TRPM1: variants seen among roughly 807,000 people sequenced by gnomAD.
TRPM1 encodes TRPM1-203 APA Isoform, Intron 10.
Under a neutral mutation model 149.4 loss-of-function variants are expected in TRPM1, and 113 were observed. That is an observed-to-expected ratio of 0.76 (90% CI 0.65 to 0.88). The LOEUF is 0.88. TRPM1 is among the 40% of genes least tolerant of loss of function. The pLI is 0.00. For missense variants in TRPM1, 1,976 were observed against 2,038.7 expected, an observed-to-expected ratio of 0.97 and a Z score of 0.59; for synonymous variants, 741 against 759.5, an observed-to-expected ratio of 0.98 and a Z score of 0.40.
intron 27 of TRPM1, among the ~76,000 whole-genome samples, chr15:31,011,036 T>G (rs1021521352): frequency 4.6e-5 from 7 of 152,228 alleles, no homozygotes; most frequent in African/African-American, 1.7e-4. Context: ...CATGTCCTTC[T>G]TTGTCTCTAG....
chr15:31,101,650 A>C lies in TRPM1; in HGVS notation c.-84+7T>G. On this transcript the variant is annotated splice_region_variant and intron_variant, in intron 1 of 27. Coordinates refer to ENST00000256552, the MANE Select transcript of TRPM1 (RefSeq NM_001252024.2). ...CTTCACCTGTGCTTACCCGCATCTG[A>C]GCTTACCTGCCACAGCAGTGGAATG... The C allele has an allele frequency of 1.0e-6, 1 of 985,674 alleles. No homozygotes were observed. The allele number at this position is 985,674 out of a possible 1,614,324, so 61.1% of individuals were successfully genotyped here.
chr15:31,140,366 G>A lies in TRPM1; in HGVS notation c.54+20540C>T, dbSNP rs527886450. Among the ~76,000 whole-genome samples, 3 of 150,458 alleles carry A rather than the reference G, an allele frequency of 2.0e-5. No individual in the cohort carries two copies. In the East Asian group the frequency reaches 5.8e-4, roughly 29 times the overall value. On this transcript the variant is annotated intron_variant, in intron 1 of 26. Coordinates refer to the TRPM1 transcript ENST00000542188. ...TGCACTGCAGCCTGGGCGACAGAGA[G>A]AGAATCCGTCTAAAAAAAAAAAATT...
At chr15:31,008,886 T>C (rs2032086711) in intron 27 of TRPM1, among the ~76,000 whole-genome samples, 1 of 152,212 alleles carries the variant, frequency 6.6e-6, no homozygotes, top group Non-Finnish European at 1.5e-5. Context: ...TCCACATATA[T>C]TGAAAATGCC....
intron 1 of TRPM1, among the ~76,000 whole-genome samples, chr15:31,143,815 A>G (rs542517783): frequency 6.6e-6 from 1 of 152,276 alleles, no homozygotes; most frequent in African/African-American, 2.4e-5. Context: ...CAAAAATTAG[A>G]ACGTTTGCTT....
intron 1 of TRPM1, among the ~76,000 whole-genome samples, chr15:31,128,316 C>T (rs536819140): frequency 2.0e-5 from 3 of 152,306 alleles, no homozygotes; most frequent in South Asian, 2.1e-4. Flanking sequence ...CACCGGCTGC[C>T]GTGGAGCTCT....
Position 31,068,050 on chromosome 15 carries a change from G to T in TRPM1, c.322C>A (p.His108Asn). ...SYDTKPDSLLHLMVKDWQLEL... is the reference protein window; with the variant it reads ...SYDTKPDSLLNLMVKDWQLEL... ...AGCTGCCAATCTTTCACCATGAGATGGAGCAGTGAGTCTGGCTTGGTGTCA... is the reference window on the plus strand; with the variant it reads ...AGCTGCCAATCTTTCACCATGAGATTGAGCAGTGAGTCTGGCTTGGTGTCA... The change falls in exon 5 of 28, where the codon CAT (histidine) becomes AAT (asparagine). Residue 108 changes from histidine (H) to asparagine (N), a missense_variant. Physicochemically the swap from His to Asn is moderately conservative, Grantham distance 68. This residue lies in a region of TRPM1 where 1,332 missense variants were observed against 1,347.1 expected (regional missense o/e 0.99). Transcript: ENST00000256552. 1 of 1,614,212 alleles carries T rather than the reference G, an allele frequency of 6.2e-7. No individual in the cohort carries two copies. Among genetic ancestry groups the T allele is most frequent in the African/African-American group, 1.3e-5 (1 of 75,064 alleles).
chr15:31,096,435 C>T (rs2035387807), intron 1 of TRPM1, among the ~76,000 whole-genome samples: 2 of 152,240 alleles, frequency 1.3e-5, no homozygotes, highest in South Asian at 4.1e-4. Context: ...CTCCTTCTCC[C>T]ATCACCGGGT....
chr15:31,143,098 T>C (rs2036180220), intron 1 of TRPM1, among the ~76,000 whole-genome samples: 1 of 152,240 alleles, frequency 6.6e-6, no homozygotes, highest in Non-Finnish European at 1.5e-5. Flanking sequence ...TTCTGAAAGC[T>C]TTTTGCAGGC....
chr15:31,127,268 T>C (rs1297820944), intron 1 of TRPM1, among the ~76,000 whole-genome samples: 1 of 152,208 alleles, frequency 6.6e-6, no homozygotes, highest in Non-Finnish European at 1.5e-5. Context: ...TCTCATTCTC[T>C]GCTACTTGGG....
intron 21 of TRPM1, among the ~76,000 whole-genome samples, chr15:31,033,992 T>G (rs1461539912): frequency 6.6e-6 from 1 of 152,196 alleles, no homozygotes; most frequent in African/African-American, 2.4e-5. Context: ...CTGGACTAGG[T>G]TAATAATGTT....
At position 31,038,142 on chromosome 15, in the gene TRPM1, G is replaced by A. The variant is rs367984298; in HGVS notation, c.2341C>T (p.Pro781Ser). Residue 781 changes from proline (P) to serine (S), a missense_variant, in exon 19 of 28, where the codon CCC (proline) becomes TCC (serine). Pro to Ser is a moderately conservative substitution (Grantham distance 74, BLOSUM62 -1). This residue lies in a region of TRPM1 where 1,332 missense variants were observed against 1,347.1 expected (regional missense o/e 0.99). Transcript: ENST00000256552. Reference sequence around the variant, plus strand: ...CGAAATTCCAAAAACAAGATGGTGGGGGGTAGAAGAATCCCCATGATAACC... The same window carrying A: ...CGAAATTCCAAAAACAAGATGGTGGAGGGTAGAAGAATCCCCATGATAACC... ...LKVIMGILLPPTILFLEFRTY... is the reference protein window; with the variant it reads ...LKVIMGILLPSTILFLEFRTY... 6 of 1,613,902 alleles carry A rather than the reference G, an allele frequency of 3.7e-6. No homozygotes were observed. Among genetic ancestry groups the A allele is most frequent in the Non-Finnish European group, 5.1e-6 (6 of 1,179,986 alleles).
At chr15:31,106,964 A>G (rs1178882711) in intron 1 of TRPM1, among the ~76,000 whole-genome samples, 3 of 152,154 alleles carry the variant, frequency 2.0e-5, no homozygotes, top group Admixed American at 6.5e-5. Flanking sequence ...AATTTTGCCA[A>G]TCTTATTAAG....
chr15:31,077,488 A>G lies in TRPM1; in HGVS notation c.4-504T>C, dbSNP rs568923818. On this transcript the variant is annotated intron_variant, in intron 2 of 27. Coordinates refer to ENST00000256552, the MANE Select transcript of TRPM1 (RefSeq NM_001252024.2). ...CTCACACAGAGGCTGGGCACTGGGA[A>G]GTGAACCGGCCTGCATCTGAAGGGC... Among the ~76,000 whole-genome samples the G allele has an allele frequency of 2.6e-5, 4 of 152,294 alleles. No homozygotes were observed. The South Asian group carries it at 8.3e-4, about 32-fold the overall frequency.
In TRPM1 at chr15:31,035,560, C is replaced by CT; in HGVS notation, c.2685dup (p.Glu896ArgfsTer154). The CT allele has an allele frequency of 6.2e-7, 1 of 1,614,188 alleles. No individual in the cohort carries two copies. ...GGAGTAGCCACCTCTCGTATCTTCT[C>CT]TAACGCCAGGCTCACGATGTAGGAG... On this transcript the variant is annotated frameshift_variant, in exon 21 of 28. Coordinates refer to ENST00000256552, the MANE Select transcript of TRPM1 (RefSeq NM_001252024.2). LOFTEE classifies it high-confidence loss of function.
At chr15:31,110,027 T>G (rs2035663464) in intron 1 of TRPM1, among the ~76,000 whole-genome samples, 1 of 152,186 alleles carries the variant, frequency 6.6e-6, no homozygotes, top group Non-Finnish European at 1.5e-5. Flanking sequence ...TTTCAAAGTC[T>G]TATTTGAAGT....
intron 14 of TRPM1, 92 bp downstream of exon 14, chr15:31,047,797 T>A (rs2033822866): frequency 2.9e-6 from 3 of 1,030,282 alleles, no homozygotes; most frequent in Non-Finnish European, 4.6e-6. Flanking sequence ...GTGCCTGGAA[T>A]AATAATACAT....
At position 31,002,327 on chromosome 15, in the gene TRPM1, T is replaced by C; in HGVS notation, c.4373A>G (p.Lys1458Arg). The C allele has an allele frequency of 6.2e-7, 1 of 1,614,260 alleles. No individual in the cohort carries two copies. The highest frequency in any genetic ancestry group is 1.3e-5 in the African/African-American group (1 of 75,066). ...CCGGGAATAGACGAAGCTTCTGGAC[T>C]TCATTGTTTTACAAGCATTGATCGT... ...DETINACKTM[K>R]SRSFVYSRGR... The change falls in exon 28 of 28, where the codon AAG becomes AGG. Residue 1458 changes from lysine (K) to arginine (R), a missense_variant. This residue lies in a region of TRPM1 where 572 missense variants were observed against 578.9 expected (regional missense o/e 0.99). Coordinates refer to ENST00000256552, the MANE Select transcript of TRPM1 (RefSeq NM_001252024.2).
intron 1 of TRPM1, among the ~76,000 whole-genome samples, chr15:31,092,401 A>T (rs1158643294): frequency 2.0e-5 from 3 of 152,222 alleles, no homozygotes. Context: ...GGCGAGTGGC[A>T]CCAAAAGAGG....
chr15:31,054,318 G>A (rs527510140), intron 11 of TRPM1, among the ~76,000 whole-genome samples: 3 of 151,480 alleles, frequency 2.0e-5, no homozygotes, highest in East Asian at 1.9e-4. Context: ...TTTTTGAGAC[G>A]GAGTTTTGTT....
Sources: gnomAD v4.1 joint callset for allele counts (sites outside exome capture counted in the v4.1 genomes callset) on GRCh38, gnomAD v4.1.1 for gene constraint, gnomAD v4.1.1 regional missense constraint, MANE v1.5 for transcripts, NCBI Gene and HGNC (gene_info 2026-07-23, HGNC 2026-07-21) for gene names.